Variants in MITF observed in about 807,000 individuals in gnomAD.
MITF encodes melanocyte inducing transcription factor.
Under a neutral mutation model 60.5 loss-of-function variants are expected in MITF, and 17 were observed. That is an observed-to-expected ratio of 0.28 (90% CI 0.19 to 0.42). The LOEUF is 0.42. Among genes scored for constraint, MITF ranks in the 10% least tolerant of loss-of-function variants. The probability of loss-of-function intolerance (pLI) is 1.00; values close to 1 mark genes in which losing one functional copy is unlikely to be tolerated. For synonymous variants in MITF, 260 were observed against 248.5 expected (o/e 1.05, Z -0.43); for missense variants, 622 against 683.5 (o/e 0.91, Z 1.00).
intron 9 of MITF, among the ~76,000 whole-genome samples, chr3:69,959,712 C>T (rs1446049156): frequency 6.6e-6 from 1 of 152,180 alleles, no homozygotes; most frequent in African/African-American, 2.4e-5. Flanking sequence ...TGTCTGCTGT[C>T]TTGTTTCAGC....
chr3:69,895,659 A>G (rs1488374042), intron 2 of MITF, among the ~76,000 whole-genome samples: 1 of 152,104 alleles, frequency 6.6e-6, no homozygotes, highest in Non-Finnish European at 1.5e-5. Flanking sequence ...AAGGCTATGG[A>G]TGCTTTTTTA....
Position 69,842,658 on chromosome 3 carries a change from G to A in MITF, c.105-36476G>A, listed in dbSNP as rs78833680. On this transcript the variant is annotated intron_variant, in intron 1 of 9. Coordinates refer to ENST00000352241, the MANE Select transcript of MITF (RefSeq NM_001354604.2). ...TACTGTTTCTTGAAGACAGAATCACGCACAAGCAAACCAAAATTCTTGGGG... is the reference window on the plus strand; with the variant it reads ...TACTGTTTCTTGAAGACAGAATCACACACAAGCAAACCAAAATTCTTGGGG... Among the ~76,000 whole-genome samples the A allele has an allele frequency of 1.9e-3, 288 of 152,254 alleles. 3 individuals carry two copies. The highest frequency in any genetic ancestry group is 4.8e-3 in the East Asian group (25 of 5,176).
intron 1 of MITF, among the ~76,000 whole-genome samples, chr3:69,875,072 G>C (rs1192532155): frequency 6.6e-6 from 1 of 152,130 alleles, no homozygotes; most frequent in South Asian, 2.1e-4. Flanking sequence ...CCCAATCCCT[G>C]CAGCACATTA....
At chr3:69,893,360 A>T (rs1291104484) in intron 2 of MITF, among the ~76,000 whole-genome samples, 1 of 151,938 alleles carries the variant, frequency 6.6e-6, no homozygotes, top group Admixed American at 6.6e-5. Flanking sequence ...ATCTAGTTGC[A>T]GTGTTGAAAG....
At chr3:69,849,092 G>A (rs1423145802) in intron 1 of MITF, among the ~76,000 whole-genome samples, 4 of 147,094 alleles carry the variant, frequency 2.7e-5, no homozygotes, top group Non-Finnish European at 6.0e-5. Context: ...AGCCTCCCAA[G>A]TAGCTGGGAC....
At chr3:69,955,843 T>G (rs567076980) in intron 7 of MITF, among the ~76,000 whole-genome samples, 1 of 152,104 alleles carries the variant, frequency 6.6e-6, no homozygotes, top group East Asian at 1.9e-4. Context: ...AAAAAAAAAT[T>G]GTGACATGAA....
At chr3:69,800,073 C>A (rs1007673745) in intron 1 of MITF, among the ~76,000 whole-genome samples, 2 of 152,144 alleles carry the variant, frequency 1.3e-5, no homozygotes, top group African/African-American at 2.4e-5. Context: ...ATTTCCATCA[C>A]CCCAATAAGA....
At position 69,739,564 on chromosome 3, in the gene MITF, C is replaced by T. The variant is rs376000468; in HGVS notation, c.-34C>T. 5.3e-5 allele frequency: 81 copies of T among 1,541,592 alleles called. No homozygotes were observed. The highest frequency in any genetic ancestry group is 7.0e-5 in the Non-Finnish European group (80 of 1,136,318). ...CCTCCGCCCCCGGGCTCTGTTCTCA[C>T]TTTCCAGCAGTGGAAGGACGGGAAG... On this transcript the variant is annotated 5_prime_UTR_variant, in exon 1 of 10. Transcript: ENST00000352241.
intron 1 of MITF, among the ~76,000 whole-genome samples, chr3:69,743,157 CTCTA>C (rs1336039496): frequency 2.6e-5 from 4 of 152,136 alleles, no homozygotes; most frequent in African/African-American, 9.7e-5. Flanking sequence ...CATCCCTGGC[CTCTA>C]TCTATTAGAG....
intron 1 of MITF, among the ~76,000 whole-genome samples, chr3:69,792,294 T>A (rs2062752971): frequency 6.6e-6 from 1 of 152,172 alleles, no homozygotes; most frequent in African/African-American, 2.4e-5. Context: ...CTTTTATCCA[T>A]TAAATTGGTC....
intron 1 of MITF, among the ~76,000 whole-genome samples, chr3:69,841,456 T>A (rs2063635180): frequency 6.6e-6 from 1 of 152,250 alleles, no homozygotes; most frequent in Admixed American, 6.5e-5. Flanking sequence ...ACAAGTCCAT[T>A]TTCTTTTCTG....
At chr3:69,945,305 G>A (rs916154265) in intron 5 of MITF, among the ~76,000 whole-genome samples, 10 of 152,176 alleles carry the variant, frequency 6.6e-5, no homozygotes, top group Non-Finnish European at 4.4e-5. Flanking sequence ...CAATTTGTTT[G>A]TCCGGATTAG....
At chr3:69,874,585 C>T (rs2064311448) in intron 1 of MITF, among the ~76,000 whole-genome samples, 1 of 152,190 alleles carries the variant, frequency 6.6e-6, no homozygotes, top group Admixed American at 6.5e-5. Context: ...CAAGTTACCG[C>T]ACAGCCCAGC....
chr3:69,849,418 G>A (rs1211770815), intron 1 of MITF, among the ~76,000 whole-genome samples: 2 of 152,270 alleles, frequency 1.3e-5, no homozygotes, highest in East Asian at 1.9e-4. Flanking sequence ...TGGTGGTGGC[G>A]GTGATGATAA....
At chr3:69,867,835 G>A (rs2064145979) in intron 1 of MITF, among the ~76,000 whole-genome samples, 1 of 152,090 alleles carries the variant, frequency 6.6e-6, no homozygotes, top group African/African-American at 2.4e-5. Flanking sequence ...CATTCTTTTA[G>A]TTAACTAAAA....
intron 1 of MITF, among the ~76,000 whole-genome samples, chr3:69,777,963 G>A (rs891668775): frequency 6.6e-6 from 1 of 152,084 alleles, no homozygotes; most frequent in Non-Finnish European, 1.5e-5. Flanking sequence ...TCACTCTGGC[G>A]GTGCCACAGA....
chr3:69,912,093 A>G, intron 2 of MITF, among the ~76,000 whole-genome samples: 1 of 152,224 alleles, frequency 6.6e-6, no homozygotes, highest in East Asian at 1.9e-4. Context: ...TTTTTCATGG[A>G]TAGATCTCAG....
At chr3:69,825,016 A>G (rs2063332927) in intron 1 of MITF, among the ~76,000 whole-genome samples, 2 of 129,540 alleles carry the variant, frequency 1.5e-5, no homozygotes, top group African/African-American at 5.2e-5. Flanking sequence ...TATATTCTTT[A>G]AAGTTCTTTC....
At chr3:69,865,706 G>T (rs551337001) in intron 1 of MITF, among the ~76,000 whole-genome samples, 2 of 152,224 alleles carry the variant, frequency 1.3e-5, no homozygotes, top group East Asian at 3.9e-4. Context: ...AAGGAATGCT[G>T]TTTTGGATCT....
Sources: allele counts gnomAD v4.1 joint callset (sites outside exome capture counted in the v4.1 genomes callset), GRCh38; gene constraint gnomAD v4.1.1; transcripts MANE v1.5; gene names NCBI Gene and HGNC (gene_info 2026-07-23, HGNC 2026-07-21).